Variants in PTPN14 observed in about 807,000 individuals in gnomAD.
The protein encoded by PTPN14 is protein tyrosine phosphatase non-receptor type 14, also known as tyrosine-protein phosphatase non-receptor type 14.
Under a neutral mutation model 126.8 loss-of-function variants are expected in PTPN14, and 53 were observed. The observed-to-expected ratio is 0.42, with a 90% CI of 0.34 to 0.53. The LOEUF (loss-of-function observed/expected upper bound fraction) is 0.53. PTPN14 is among the 20% of genes least tolerant of loss of function. The pLI is 0.08. For synonymous variants in PTPN14, 630 were observed against 599.3 expected, an observed-to-expected ratio of 1.05 and a Z score of -0.75; for missense variants, 1,257 against 1,552.9, an observed-to-expected ratio of 0.81 and a Z score of 3.20.
intron 17 of PTPN14, 64 bp downstream of exon 17, chr1:214,369,393 G>A: frequency 1.4e-6 from 2 of 1,467,110 alleles, no homozygotes; most frequent in Non-Finnish European, 1.9e-6. Context: ...ATCTCCAACA[G>A]ATGAATTATT....
intron 4 of PTPN14, among the ~76,000 whole-genome samples, chr1:214,412,062 A>G (rs918772495): frequency 5.3e-5 from 8 of 152,224 alleles, no homozygotes; most frequent in African/African-American, 1.7e-4. Context: ...ATCAATTCAT[A>G]TCTTAAGAAT....
chr1:214,468,027 G>A (rs1660679469), intron 1 of PTPN14, among the ~76,000 whole-genome samples: 1 of 151,734 alleles, frequency 6.6e-6, no homozygotes, highest in South Asian at 2.1e-4. Context: ...TGTGAACCCT[G>A]ACTAAATCCA....
intron 1 of PTPN14, among the ~76,000 whole-genome samples, chr1:214,525,184 T>G (rs1655355646): frequency 6.6e-6 from 1 of 152,198 alleles, no homozygotes; most frequent in Admixed American, 6.5e-5. Context: ...GGCAATGTTT[T>G]GCAGAGGGCA....
chr1:214,383,256 G>A lies in PTPN14; in HGVS notation c.2544+55C>T, dbSNP rs1291853567. 2 of 1,568,964 alleles carry A rather than the reference G, an allele frequency of 1.3e-6. No homozygotes were observed. Among genetic ancestry groups the A allele is most frequent in the East Asian group, 2.3e-5 (1 of 44,312 alleles). ...GCATAAGCCCTGCCCCTTGCTCAGT[G>A]CCTGAAGCATGTGCTTTCACACTGG... On this transcript the variant is annotated intron_variant, in intron 13 of 18. Transcript: ENST00000366956. The surrounding 1 kb of genome is among the most constrained non-coding windows in gnomAD (Gnocchi z 4.4).
At chr1:214,449,903 A>G (rs1660234698) in intron 3 of PTPN14, among the ~76,000 whole-genome samples, 2 of 151,968 alleles carry the variant, frequency 1.3e-5, no homozygotes, top group Non-Finnish European at 2.9e-5. Context: ...AGGCCAAGGT[A>G]GAAGGATCAC....
At chr1:214,476,364 G>A (rs570101291) in intron 1 of PTPN14, among the ~76,000 whole-genome samples, 10 of 152,354 alleles carry the variant, frequency 6.6e-5, no homozygotes, top group Admixed American at 5.2e-4. Context: ...CCTTGAGCTT[G>A]CTTCGCTCTT....
intron 1 of PTPN14, among the ~76,000 whole-genome samples, chr1:214,548,588 A>T (rs1656029473): frequency 6.6e-6 from 1 of 152,176 alleles, no homozygotes; most frequent in Non-Finnish European, 1.5e-5. Flanking sequence ...CTAAGTAATG[A>T]AGCTCAAATG....
intron 3 of PTPN14, among the ~76,000 whole-genome samples, chr1:214,443,697 A>G (rs1660082652): frequency 6.6e-6 from 1 of 152,036 alleles, no homozygotes; most frequent in South Asian, 2.1e-4. Context: ...CTGTTGAAAA[A>G]CCAAAAAACT....
intron 3 of PTPN14, among the ~76,000 whole-genome samples, chr1:214,425,685 G>A (rs765188386): frequency 1.3e-5 from 2 of 152,086 alleles, no homozygotes; most frequent in Non-Finnish European, 2.9e-5. Context: ...CACACCACAT[G>A]TCTATCAAAA....
intron 1 of PTPN14, among the ~76,000 whole-genome samples, chr1:214,494,093 CAG>C (rs1462377475): frequency 2.0e-5 from 3 of 151,960 alleles, no homozygotes; most frequent in African/African-American, 4.8e-5. Context: ...TCTTTTGAGA[CAG>C]AGTCTCGCAC....
intron 1 of PTPN14, among the ~76,000 whole-genome samples, chr1:214,476,756 G>A (rs907237304): frequency 3.3e-5 from 5 of 152,086 alleles, no homozygotes; most frequent in African/African-American, 9.7e-5. Context: ...AAGCTGGCTC[G>A]CTCCCTGCAT....
intron 1 of PTPN14, among the ~76,000 whole-genome samples, chr1:214,534,620 G>A (rs903821248): frequency 6.6e-6 from 1 of 152,040 alleles, no homozygotes; most frequent in African/African-American, 2.4e-5. Context: ...GGCTGAGGCA[G>A]GAGAATGGCG....
rs760334237 is a variant in PTPN14 at position 214,369,563 on chromosome 1, G to A, written c.3165C>T (p.Gly1055=). 8.7e-6 allele frequency: 14 copies of A among 1,614,172 alleles called. No individual in the cohort carries two copies. In the East Asian group the frequency reaches 3.1e-4, roughly 36 times the overall value. The stretch of plus-strand genomic sequence containing the variant: ...CAGACAAAAGGTGCTTGACCTTCAA[G>A]CCCGTGGTTGCATAGCAAACAGAAT... ...RTDSVCYATT[G]LKVKHLLSGQ... is the part of the protein sequence containing the mutation. The change falls in exon 17 of 19, where the codon GGC becomes GGT. Residue 1055 remains glycine (G), a synonymous_variant. Transcript: ENST00000366956.
intron 1 of PTPN14, among the ~76,000 whole-genome samples, chr1:214,542,177 T>C (rs1655855274): frequency 6.6e-6 from 1 of 152,210 alleles, no homozygotes; most frequent in Non-Finnish European, 1.5e-5. Context: ...TACACACACA[T>C]ATAGTATGCA....
chr1:214,372,941 T>A, intron 15 of PTPN14, 102 bp from the exon 16 acceptor site: 1 of 1,488,590 alleles, frequency 6.7e-7, no homozygotes, highest in Non-Finnish European at 9.0e-7. Flanking sequence ...TTGGATATAT[T>A]TTTGGGGCCG....
intron 3 of PTPN14, among the ~76,000 whole-genome samples, chr1:214,442,144 A>G: frequency 6.6e-6 from 1 of 152,244 alleles, no homozygotes; most frequent in East Asian, 1.9e-4. Context: ...TTAAAGATGT[A>G]ATAATAAAAT....
chr1:214,448,373 G>C (rs1427719908), intron 3 of PTPN14, among the ~76,000 whole-genome samples: 9 of 151,458 alleles, frequency 5.9e-5, no homozygotes, highest in Non-Finnish European at 7.4e-5. Flanking sequence ...TGGGACTACA[G>C]GTGCCCCCAA....
In PTPN14 at chr1:214,534,517, T is replaced by A. The variant is rs1056332383; in HGVS notation, c.-155+16666A>T. On this transcript the variant is annotated intron_variant, in intron 1 of 18. Coordinates refer to ENST00000366956, the MANE Select transcript of PTPN14 (RefSeq NM_005401.5). ...TCACGAGGTCAGGAGATCGAGACCA[T>A]CCTGGCTAACACGGTGAAACCCCGT... is the stretch of plus-strand genomic sequence containing the variant. Among the ~76,000 whole-genome samples the A allele has an allele frequency of 7.2e-5, 11 of 151,734 alleles. No individual in the cohort carries two copies. The South Asian group carries it at 2.3e-3, about 32-fold the overall frequency.
chr1:214,487,901 G>C (rs1395953982), intron 1 of PTPN14, among the ~76,000 whole-genome samples: 1 of 152,194 alleles, frequency 6.6e-6, no homozygotes, highest in Non-Finnish European at 1.5e-5. Flanking sequence ...GAGAGAAGGA[G>C]GACCAAGCAT....
Sources: allele counts gnomAD v4.1 joint callset (sites outside exome capture counted in the v4.1 genomes callset), GRCh38; gene constraint gnomAD v4.1.1; non-coding constraint Gnocchi (gnomAD v3.1); transcripts MANE v1.5; gene names NCBI Gene and HGNC (gene_info 2026-07-23, HGNC 2026-07-21).